The following UPP1 variants were observed in gnomAD, a reference collection of about 807,000 sequenced individuals.
UPP1 encodes the protein UPase 1.
A neutral mutation model predicts 29.6 loss-of-function variants in UPP1; 25 were observed. That is an observed-to-expected ratio of 0.85 (90% CI 0.62 to 1.18). The LOEUF (loss-of-function observed/expected upper bound fraction) is 1.18. Among genes scored for constraint, UPP1 ranks in the 50% most tolerant of loss-of-function variants. The probability of loss-of-function intolerance (pLI) is 0.00; values close to 1 mark genes in which losing one functional copy is unlikely to be tolerated. For synonymous variants in UPP1, 165 were observed against 159.8 expected (o/e 1.03, Z -0.25); for missense variants, 368 against 410.4 (o/e 0.90, Z 0.89).
intron 2 of UPP1, among the ~76,000 whole-genome samples, chr7:48,094,053 G>A (rs148189004): frequency 0.019 from 2,946 of 152,108 alleles, 81 homozygotes; most frequent in African/African-American, 0.064. Flanking sequence ...TCAGCTACTC[G>A]GGAGGCTGAG....
In UPP1 at chr7:48,103,349, T is replaced by A. The variant is rs765157206; in HGVS notation, c.374T>A (p.Leu125Gln). 1 of 1,614,070 alleles carries A rather than the reference T, an allele frequency of 6.2e-7. No homozygotes were observed. Among genetic ancestry groups the A allele is most frequent in the Non-Finnish European group, 8.5e-7 (1 of 1,179,954 alleles). Residue 125 changes from leucine to glutamine, a missense_variant, in exon 6 of 9, where the codon CTG becomes CAG. Leu to Gln is a moderately radical substitution (Grantham distance 113, BLOSUM62 -2). Transcript: ENST00000395564. Reference protein sequence around the residue: ...ISIMLHELIKLLYYARCSNVT... With the variant: ...ISIMLHELIKQLYYARCSNVT... ...ATCATGTTGCATGAGCTCATAAAGC[T>A]GCTGTACTATGCCCGGTGCTCCAAC...
intron 2 of UPP1, among the ~76,000 whole-genome samples, chr7:48,094,238 G>A (rs1792004730): frequency 6.6e-6 from 1 of 152,128 alleles, no homozygotes; most frequent in African/African-American, 2.4e-5. Flanking sequence ...TTGGGAATAA[G>A]GGACAGGTTT....
At position 48,103,386 on chromosome 7, in the gene UPP1, C is replaced by T; in HGVS notation, c.411C>T (p.Ile137=). The T allele has an allele frequency of 6.2e-7, 1 of 1,613,928 alleles. No homozygotes were observed. Among genetic ancestry groups the T allele is most frequent in the Non-Finnish European group, 8.5e-7 (1 of 1,179,832 alleles). Residue 137 remains isoleucine, a synonymous_variant, in exon 6 of 9, where the codon ATC becomes ATT. Coordinates refer to ENST00000395564, the MANE Select transcript of UPP1 (RefSeq NM_003364.4). The part of the protein sequence containing the change: ...YYARCSNVTI[I]RIGTSGGIGL... ...CCCGGTGCTCCAACGTCACTATCAT[C>T]CGCATTGGCACTTCTGGTGGGATAG...
chr7:48,095,068 C>T (rs1355789889), intron 3 of UPP1, among the ~76,000 whole-genome samples: 1 of 152,156 alleles, frequency 6.6e-6, no homozygotes, highest in Admixed American at 6.5e-5. Flanking sequence ...TTTCAGAAAA[C>T]CAGACAAGTC....
chr7:48,100,224 G>A (rs1792349651), intron 4 of UPP1, among the ~76,000 whole-genome samples: 1 of 152,188 alleles, frequency 6.6e-6, no homozygotes, highest in Non-Finnish European at 1.5e-5. Context: ...ACAGTGGTAA[G>A]CATTTGTGTA....
intron 3 of UPP1, 21 bp downstream of exon 3, chr7:48,094,848 AGGTTGGGTTGGGTGG>A: frequency 7.8e-7 from 1 of 1,290,124 alleles, no homozygotes; most frequent in South Asian, 1.2e-5. Context: ...ATTTCATTCC[AGGTTGGGTTGGGTGG>A]GGTTGGGTTG....
chr7:48,107,206 C>T (rs1368889892), intron 7 of UPP1, 124 bp downstream of exon 7: 21 of 1,424,128 alleles, frequency 1.5e-5, no homozygotes, highest in African/African-American at 2.8e-5. Context: ...TACACTTCGC[C>T]CAGAGTGGTT....
intron 5 of UPP1, 51 bp downstream of exon 5, chr7:48,102,033 G>C: frequency 6.3e-7 from 1 of 1,583,206 alleles, no homozygotes; most frequent in Non-Finnish European, 8.6e-7. Context: ...GCAACCCCCT[G>C]TGCCCCACCC....
chr7:48,099,836 C>G, intron 4 of UPP1, 49 bp downstream of exon 4: 2 of 1,251,980 alleles, frequency 1.6e-6, no homozygotes, highest in Non-Finnish European at 2.3e-6. Flanking sequence ...AGATCAACCT[C>G]CCCCTATATT....
rs1791922667 is a variant in UPP1, at chr7:48,092,928, T to C, written c.-21-1835T>C. 1.3e-5 allele frequency among the ~76,000 whole-genome samples: 2 copies of C among 152,156 alleles called. 1 individual carries two copies. The highest frequency in any genetic ancestry group is 4.1e-4 in the South Asian group (2 of 4,828). Reference sequence around the variant, plus strand: ...CATGTTGGCCAGGCTGGTCTTGAACTCCTGACCTCAAGTGATCTGGCCTCC... The same window carrying C: ...CATGTTGGCCAGGCTGGTCTTGAACCCCTGACCTCAAGTGATCTGGCCTCC... On this transcript the variant is annotated intron_variant, in intron 2 of 8. Coordinates refer to ENST00000395564, the MANE Select transcript of UPP1 (RefSeq NM_003364.4).
upstream of UPP1, chr7:48,088,786 C>T (rs1041727609): frequency 1.3e-5 from 2 of 152,532 alleles, no homozygotes; most frequent in Non-Finnish European, 2.9e-5. Context: ...TCCACGCTGT[C>T]ATTTCTCTCC....
chr7:48,099,645 C>T, intron 3 of UPP1, 25 bp from the exon 4 acceptor site: 2 of 1,521,992 alleles, frequency 1.3e-6, no homozygotes, highest in Admixed American at 1.7e-5. Context: ...TTCTATAAGC[C>T]TTCCACTTTC....
At chr7:48,098,650 T>C (rs1310951397) in intron 3 of UPP1, among the ~76,000 whole-genome samples, 1 of 152,230 alleles carries the variant, frequency 6.6e-6, no homozygotes, top group Non-Finnish European at 1.5e-5. Flanking sequence ...CTCTCTTGTG[T>C]CTTTTTCTTT....
chr7:48,103,812 C>A, intron 6 of UPP1: 1 of 1,290,454 alleles, frequency 7.7e-7, no homozygotes, highest in Non-Finnish European at 1.0e-6. Context: ...AGAAAAGACA[C>A]AGGAAAATCA....
chr7:48,098,844 G>A (rs904157134), intron 3 of UPP1, among the ~76,000 whole-genome samples: 3 of 152,216 alleles, frequency 2.0e-5, no homozygotes, highest in Admixed American at 6.5e-5. Context: ...AAGGAGCTAC[G>A]TTTGAGGCTG....
chr7:48,101,414 C>T (rs781445952), intron 4 of UPP1, among the ~76,000 whole-genome samples: 46 of 152,270 alleles, frequency 3.0e-4, no homozygotes, highest in East Asian at 1.2e-3. Flanking sequence ...GGCGAGAGAG[C>T]GGTCAGTAGC....
chr7:48,102,041 C>T (rs1792456426), intron 5 of UPP1, 59 bp downstream of exon 5: 2 of 1,553,580 alleles, frequency 1.3e-6, no homozygotes, highest in Admixed American at 1.8e-5. Context: ...CTGTGCCCCA[C>T]CCCTCTGCAC....
chr7:48,093,458 C>T (rs750063841), intron 2 of UPP1, among the ~76,000 whole-genome samples: 17 of 152,342 alleles, frequency 1.1e-4, no homozygotes, highest in Admixed American at 2.6e-4. Context: ...CAGTGCTTCA[C>T]TCTCTTCCTC....
At chr7:48,101,684 C>A in intron 4 of UPP1, 140 bp from the exon 5 acceptor site, 1 of 957,850 alleles carries the variant, frequency 1.0e-6, no homozygotes, top group Non-Finnish European at 1.5e-6. Context: ...CCCTTAGATT[C>A]AGCAGGTCCT....
Sources: allele counts gnomAD v4.1 joint callset (sites outside exome capture counted in the v4.1 genomes callset), GRCh38; gene constraint gnomAD v4.1.1; transcripts MANE v1.5; gene names NCBI Gene and HGNC (gene_info 2026-07-23, HGNC 2026-07-21).